EXPH5: variants seen among roughly 807,000 people sequenced by gnomAD.
EXPH5 encodes exophilin-5.
A neutral mutation model predicts 41.1 loss-of-function variants in EXPH5; 42 were observed. The ratio of observed to expected loss-of-function variants is 1.02; its 90% CI spans 0.80 to 1.32. The LOEUF is 1.32. Ranked by LOEUF, EXPH5 falls within the 40% of genes most tolerant of loss-of-function variation. The pLI, the probability that EXPH5 is intolerant of heterozygous loss-of-function variation, is 0.00. For synonymous variants in EXPH5, 798 were observed against 833.5 expected (o/e 0.96, Z 0.73); for missense variants, 2,298 against 2,314.5 (o/e 0.99, Z 0.15).
rs2093697944 is a variant in EXPH5, at chr11:108,513,396, T to C, written c.2111A>G (p.Asn704Ser). The change falls in exon 6 of 6, where the codon AAT (asparagine) becomes AGT (serine). Residue 704 changes from asparagine (N) to serine (S), a missense_variant. Transcript: ENST00000265843. ...TTTGTCTTCTTCTGAAATAGATTCATTTAAGTCTTTCTCATTATTTACTTC... is the reference window on the plus strand; with the variant it reads ...TTTGTCTTCTTCTGAAATAGATTCACTTAAGTCTTTCTCATTATTTACTTC... The part of the protein sequence containing the change: ...VTEVNNEKDL[N>S]ESISEEDKQL... The C allele has an allele frequency of 1.2e-6, 2 of 1,613,930 alleles. No homozygotes were observed. The highest frequency in any genetic ancestry group is 1.7e-6 in the Non-Finnish European group (2 of 1,179,954).
At chr11:108,586,723 C>G (rs1468474901) in intron 1 of EXPH5, among the ~76,000 whole-genome samples, 1 of 148,600 alleles carries the variant, frequency 6.7e-6, no homozygotes, top group Non-Finnish European at 1.5e-5. Flanking sequence ...TAAGCTTTAT[C>G]AATATAAAAA....
In EXPH5 at chr11:108,539,201, T is replaced by G; in HGVS notation, c.281-15A>C. 1.3e-6 allele frequency: 2 copies of G among 1,548,316 alleles called. No homozygotes were observed. The highest frequency in any genetic ancestry group is 2.3e-5 in the East Asian group (1 of 44,180). On this transcript the variant is annotated splice_polypyrimidine_tract_variant and intron_variant, in intron 2 of 5. Coordinates refer to ENST00000265843, the MANE Select transcript of EXPH5 (RefSeq NM_015065.3). ...TTCTATCGGATCTAGAAAAAAAAAT[T>G]GTAAAAATTTTGCATCAATTACTTC...
intron 3 of EXPH5, among the ~76,000 whole-genome samples, chr11:108,532,362 ATATATTTTTTTTTTT>A (rs2093847216): frequency 5.0e-5 from 1 of 20,146 alleles, no homozygotes; most frequent in Non-Finnish European, 7.4e-5. Context: ...ATATATATAT[ATATATTTTTTTTTTT>A]TTTTTTTTTT....
intron 1 of EXPH5, among the ~76,000 whole-genome samples, chr11:108,567,461 T>C (rs2094039416): frequency 6.6e-6 from 1 of 152,190 alleles, no homozygotes; most frequent in African/African-American, 2.4e-5. Flanking sequence ...CCAATCCATC[T>C]TTCTCTTCTC....
chr11:108,525,918 CTT>C (rs11390097), intron 4 of EXPH5, among the ~76,000 whole-genome samples: 16 of 132,598 alleles, frequency 1.2e-4, no homozygotes, highest in Non-Finnish European at 1.4e-4. Flanking sequence ...TTTTTCTTTT[CTT>C]TTTTTTTTTT....
At chr11:108,572,064 G>T (rs1256089103) in intron 1 of EXPH5, among the ~76,000 whole-genome samples, 1 of 150,288 alleles carries the variant, frequency 6.7e-6, no homozygotes, top group East Asian at 1.9e-4. Context: ...AAAAAAAAAG[G>T]CATTGAACAT....
At chr11:108,595,400 T>C (rs1412217910), upstream of EXPH5, among the ~76,000 whole-genome samples, 1 of 151,980 alleles carries the variant, frequency 6.6e-6, no homozygotes, top group Non-Finnish European at 1.5e-5. Context: ...GAGGAAGAAA[T>C]AGGGGGTGGT....
At position 108,514,312 on chromosome 11, in the gene EXPH5, G is replaced by T. The variant is rs115380502; in HGVS notation, c.1195C>A (p.Pro399Thr). 2.5e-6 allele frequency: 4 copies of T among 1,613,260 alleles called. No individual in the cohort carries two copies. The Admixed American group carries it at 5.0e-5, about 20-fold the overall frequency. Reference protein sequence around the residue: ...LRAPSPMEIDPADKYVYPRGF... With the variant: ...LRAPSPMEIDTADKYVYPRGF... ...CTGGGATACACATACTTGTCAGCGG[G>T]ATCAATTTCCATTGGTGATGGTGCC... Residue 399 changes from proline (P) to threonine (T), a missense_variant, in exon 6 of 6, where the codon CCC becomes ACC. Pro to Thr is a conservative substitution (Grantham distance 38). Transcript: ENST00000265843.
At chr11:108,588,261 AT>A (rs1291356670) in intron 1 of EXPH5, among the ~76,000 whole-genome samples, 3 of 152,186 alleles carry the variant, frequency 2.0e-5, no homozygotes, top group African/African-American at 7.2e-5. Flanking sequence ...CCATTATGCC[AT>A]TTTCCTTAGT....
chr11:108,514,142 G>A lies in EXPH5; in HGVS notation c.1365C>T (p.Asn455=), dbSNP rs1475726745. Residue 455 remains asparagine, a synonymous_variant, in exon 6 of 6, where the codon AAC becomes AAT. Coordinates refer to ENST00000265843, the MANE Select transcript of EXPH5 (RefSeq NM_015065.3). ...TGCTGAAGAAAGATCTGGTAAATGT[G>A]TTGCTTTGATGGTAGAATGGCATGT... ...SENMPFYHQS[N]TFTRSFFSNT... The A allele has an allele frequency of 1.2e-6, 2 of 1,613,862 alleles. No individual in the cohort carries two copies. The highest frequency in any genetic ancestry group is 1.7e-6 in the Non-Finnish European group (2 of 1,179,942).
chr11:108,505,817 T>C lies in EXPH5; in HGVS notation c.*3720A>G, dbSNP rs1268024261. On this transcript the variant is annotated 3_prime_UTR_variant, in exon 6 of 6. Transcript: ENST00000265843. ...AGTTTTACAGTTTGATTCCCATCTT[T>C]GCCATAACCTAAATGGATTTTTACC... The C allele has an allele frequency of 6.6e-6, 1 of 152,220 alleles. No individual in the cohort carries two copies. The highest frequency in any genetic ancestry group is 1.5e-5 in the Non-Finnish European group (1 of 68,034). 9.4% of individuals were successfully genotyped at this position (152,220 alleles called of 1,614,324 possible).
chr11:108,591,649 T>C (rs562360713), intron 1 of EXPH5, among the ~76,000 whole-genome samples: 4 of 152,240 alleles, frequency 2.6e-5, no homozygotes, highest in Non-Finnish European at 5.9e-5. Flanking sequence ...CATTAGAATA[T>C]GAGTGCCATG....
At chr11:108,607,139 T>C in the EXPH5 span, among the ~76,000 whole-genome samples, 8 of 152,164 alleles carry the variant, frequency 5.3e-5, no homozygotes, top group African/African-American at 1.9e-4. Context: ...CTAGCTAACA[T>C]ATGTTAGGAA....
chr11:108,512,355 G>T lies in EXPH5; in HGVS notation c.3152C>A (p.Pro1051His), dbSNP rs1348089554. The change falls in exon 6 of 6, where the codon CCC becomes CAC. Residue 1051 changes from proline (P) to histidine (H), a missense_variant. Transcript: ENST00000265843. ...MAASLRNGPP[P>H]FQIKNNVEDA... ...TTCCACATTATTTTTGATTTGGAAG[G>T]GAGGTGGCCCATTCCTCAATGAAGC... 1 of 1,611,298 alleles carries T rather than the reference G, an allele frequency of 6.2e-7. No individual in the cohort carries two copies. The highest frequency in any genetic ancestry group is 8.5e-7 in the Non-Finnish European group (1 of 1,179,128).
At position 108,510,722 on chromosome 11, in the gene EXPH5, C is replaced by G; in HGVS notation, c.4785G>C (p.Leu1595Phe). The change falls in exon 6 of 6, where the codon TTG becomes TTC. Residue 1595 changes from leucine (L) to phenylalanine (F), a missense_variant. Transcript: ENST00000265843. ...TTCTGCTGGCTTTAGACATGGCTGC[C>G]AATCTGTGTTTAACTGAAGATCTAT... is the stretch of plus-strand genomic sequence containing the variant. ...GENRSSVKHR[L>F]AAMSKASRKF... The G allele has an allele frequency of 6.2e-7, 1 of 1,614,170 alleles. No individual in the cohort carries two copies. The highest frequency in any genetic ancestry group is 1.1e-5 in the South Asian group (1 of 91,082).
At chr11:108,595,861 C>A (rs1591767791), upstream of EXPH5, among the ~76,000 whole-genome samples, 1 of 152,256 alleles carries the variant, frequency 6.6e-6, no homozygotes, top group African/African-American at 2.4e-5. Context: ...ATTGTGTAAG[C>A]ACTGAGGAGC....
Position 108,506,149 on chromosome 11 carries a change from AATGACT to A in EXPH5, c.*3382_*3387del, listed in dbSNP as rs2093643033. ...CATTTACATGAATGTTTATTTTAAT[AATGACT>A]ATATCTTTCAGAAAACAAGTTATGA... On this transcript the variant is annotated 3_prime_UTR_variant, in exon 6 of 6. Coordinates refer to ENST00000265843, the MANE Select transcript of EXPH5 (RefSeq NM_015065.3). 2 of 152,184 alleles carry A rather than the reference AATGACT, an allele frequency of 1.3e-5. No homozygotes were observed. The highest frequency in any genetic ancestry group is 2.9e-5 in the Non-Finnish European group (2 of 68,024). The allele number at this position is 152,184 out of a possible 1,614,324, so 9.4% of individuals were successfully genotyped here.
rs751948511 is a variant in EXPH5, at chr11:108,539,087, G to A, written c.380C>T (p.Ser127Phe). ...TCCAGATTTCCTGAATGAGAACAGG[G>A]AAGCAAATGACGATCTGAAGCTCAT... ...SRMSFRSSFASLFSFRKSGKE... is the reference protein window; with the variant it reads ...SRMSFRSSFAFLFSFRKSGKE... Residue 127 changes from serine (S) to phenylalanine (F), a missense_variant, in exon 3 of 6, where the codon TCC becomes TTC. Physicochemically the swap from Ser to Phe is radical, Grantham distance 155 (BLOSUM62 -2). Transcript: ENST00000265843. 1.7e-5 allele frequency: 27 copies of A among 1,611,938 alleles called. No homozygotes were observed. Among genetic ancestry groups the A allele is most frequent in the Non-Finnish European group, 2.0e-5 (23 of 1,178,852 alleles).
chr11:108,515,444 T>C (rs2093718204), intron 5 of EXPH5, among the ~76,000 whole-genome samples: 1 of 86,904 alleles, frequency 1.2e-5, no homozygotes, highest in Admixed American at 9.9e-5. Flanking sequence ...ACCTAATTTA[T>C]GAACATACTT....
Sources: gnomAD v4.1 joint callset for allele counts (sites outside exome capture counted in the v4.1 genomes callset) on GRCh38, gnomAD v4.1.1 for gene constraint, MANE v1.5 for transcripts, NCBI Gene and HGNC (gene_info 2026-07-23, HGNC 2026-07-21) for gene names.